The following TPO variants were observed in gnomAD, a reference collection of about 807,000 sequenced individuals.
TPO encodes thyroid peroxidase.
TPO carries 78 observed loss-of-function variants against 96.9 expected under a neutral mutation model. The observed-to-expected ratio is 0.81, with a 90% confidence interval of 0.67 to 0.97. The LOEUF (loss-of-function observed/expected upper bound fraction) is 0.97, where lower values mean the gene tolerates loss of function less well. Among genes scored for constraint, TPO ranks in the 50% least tolerant of loss-of-function variants. The probability of loss-of-function intolerance (pLI) is 0.00; values close to 1 mark genes in which losing one functional copy is unlikely to be tolerated. For synonymous variants in TPO, 547 were observed against 538.0 expected, an observed-to-expected ratio of 1.02 and a Z score of -0.23; for missense variants, 1,252 against 1,274.8, an observed-to-expected ratio of 0.98 and a Z score of 0.27.
chr2:1,479,253 G>A (rs1321432729), intron 8 of TPO, among the ~76,000 whole-genome samples: 2 of 152,268 alleles, frequency 1.3e-5, no homozygotes, highest in East Asian at 1.9e-4. Context: ...TGAGGCCTTC[G>A]GCGCTCCTGT....
rs146682830 is a variant in TPO at position 1,398,015 on chromosome 2, G to T, written n.180+23613G>T. On this transcript the variant is annotated intron_variant and non_coding_transcript_variant, in intron 1 of 5. Transcript: ENST00000497517. Reference sequence around the variant, plus strand: ...AAGGGTACAAGAAAAGTAGCGTTCCGCACATTTTCAGGCATGCAACTTCAT... The same window carrying T: ...AAGGGTACAAGAAAAGTAGCGTTCCTCACATTTTCAGGCATGCAACTTCAT... Among the ~76,000 whole-genome samples, 8 of 152,284 alleles carry T rather than the reference G, an allele frequency of 5.3e-5. No homozygotes were observed. In the South Asian group the frequency reaches 1.5e-3, roughly 28 times the overall value.
At chr2:1,461,604 CCACAGGCATGCA>C (rs774037020) in intron 7 of TPO, among the ~76,000 whole-genome samples, 2 of 152,168 alleles carry the variant, frequency 1.3e-5, no homozygotes, top group African/African-American at 2.4e-5. Flanking sequence ...ATAAATATAC[CCACAGGCATGCA>C]CACACTCACA....
At chr2:1,500,174 A>G (rs1420680636) in intron 13 of TPO, among the ~76,000 whole-genome samples, 1 of 152,204 alleles carries the variant, frequency 6.6e-6, no homozygotes, top group East Asian at 1.9e-4. Flanking sequence ...CATCACTTTG[A>G]TGAGTGTCCT....
intron 8 of TPO, chr2:1,478,047 A>G (rs184944595): frequency 3.5e-4 from 345 of 985,442 alleles, no homozygotes; most frequent in Non-Finnish European, 3.9e-4. Context: ...AGGTGGGTGG[A>G]CCAGGGGTGC....
chr2:1,448,948 A>G (rs947245574), intron 5 of TPO, among the ~76,000 whole-genome samples: 1 of 152,100 alleles, frequency 6.6e-6, no homozygotes, highest in Non-Finnish European at 1.5e-5. Context: ...TCCCGGATGC[A>G]CAGAGAACGA....
intron 4 of TPO, among the ~76,000 whole-genome samples, chr2:1,434,869 T>C (rs553544802): frequency 6.6e-6 from 1 of 152,354 alleles, no homozygotes; most frequent in East Asian, 1.9e-4. Context: ...GGTCAGTGCC[T>C]GTCCTTCTAG....
chr2:1,424,984 CGG>C (rs1664184200), intron 3 of TPO, among the ~76,000 whole-genome samples: 142 of 61,986 alleles, frequency 2.3e-3, no homozygotes, highest in Non-Finnish European at 3.5e-3. Context: ...TTCTAGATGC[CGG>C]GATACAGAGA....
chr2:1,388,528 C>A (rs1454914827), intron 1 of TPO, among the ~76,000 whole-genome samples: 1 of 152,212 alleles, frequency 6.6e-6, no homozygotes, highest in Non-Finnish European at 1.5e-5. Context: ...GGTATAATCT[C>A]CTGGTGTGCC....
intron 7 of TPO, among the ~76,000 whole-genome samples, chr2:1,471,305 A>G (rs1003456390): frequency 4.0e-5 from 6 of 151,808 alleles, no homozygotes; most frequent in Non-Finnish European, 8.8e-5. Context: ...CCTGTTCTTT[A>G]TTTTCTATTA....
chr2:1,531,114 A>C (rs1573602915), intron 15 of TPO, among the ~76,000 whole-genome samples: 3 of 24,024 alleles, frequency 1.2e-4, no homozygotes, highest in East Asian at 1.5e-3. Flanking sequence ...AAATCCCCCC[A>C]CTGTGTGCAA....
intron 15 of TPO, among the ~76,000 whole-genome samples, chr2:1,539,352 T>C (rs1481482381): frequency 6.6e-6 from 1 of 152,180 alleles, no homozygotes; most frequent in East Asian, 1.9e-4. Flanking sequence ...AAAACTGAGA[T>C]GCGGAGAGGT....
At chr2:1,439,370 T>A (rs1226222858) in intron 5 of TPO, 1 of 152,752 alleles carries the variant, frequency 6.5e-6, no homozygotes, top group Non-Finnish European at 1.5e-5. Flanking sequence ...TCACACATTG[T>A]ATTCCACCAA....
intron 13 of TPO, among the ~76,000 whole-genome samples, chr2:1,500,342 T>C (rs1295087438): frequency 6.6e-6 from 1 of 152,184 alleles, no homozygotes; most frequent in Admixed American, 6.5e-5. Context: ...AAATATATCT[T>C]AGAGATAAAT....
At chr2:1,489,339 G>T (rs1441175697) in intron 10 of TPO, among the ~76,000 whole-genome samples, 2 of 152,090 alleles carry the variant, frequency 1.3e-5, no homozygotes, top group Non-Finnish European at 2.9e-5. Flanking sequence ...CTTGCCTCTG[G>T]CTGGGACCCC....
Position 1,456,115 on chromosome 2 carries a change from G to A in TPO, c.652G>A (p.Glu218Lys). ...AAGACATGTCATTCAAGTTTCAAATGAGGTTGTCACAGATGATGACCGCTA... is the reference window on the plus strand; with the variant it reads ...AAGACATGTCATTCAAGTTTCAAATAAGGTTGTCACAGATGATGACCGCTA... Reference protein sequence around the residue: ...VTRHVIQVSNEVVTDDDRYSD... With the variant: ...VTRHVIQVSNKVVTDDDRYSD... The change falls in exon 7 of 17, where the codon GAG (glutamate) becomes AAG (lysine). Residue 218 changes from glutamate to lysine, a missense_variant. Transcript: ENST00000329066. 4 of 1,614,048 alleles carry A rather than the reference G, an allele frequency of 2.5e-6. No homozygotes were observed. Among genetic ancestry groups the A allele is most frequent in the Non-Finnish European group, 3.4e-6 (4 of 1,180,046 alleles).
At chr2:1,443,182 G>C (rs1217118596) in intron 5 of TPO, among the ~76,000 whole-genome samples, 1 of 152,222 alleles carries the variant, frequency 6.6e-6, no homozygotes, top group Non-Finnish European at 1.5e-5. Context: ...GCTCCTTCTT[G>C]TTGTATGGTG....
intron 5 of TPO, among the ~76,000 whole-genome samples, chr2:1,446,712 G>A (rs1402241973): frequency 1.3e-5 from 2 of 152,186 alleles, no homozygotes; most frequent in South Asian, 2.1e-4. Flanking sequence ...TTTTACAAAT[G>A]TCTTCTCCCA....
intron 13 of TPO, among the ~76,000 whole-genome samples, chr2:1,503,302 G>A (rs536484293): frequency 6.6e-6 from 1 of 152,326 alleles, no homozygotes. Context: ...GACAGCACCT[G>A]CTCCATTTAG....
At chr2:1,385,779 T>C (rs1331479840) in intron 1 of TPO, among the ~76,000 whole-genome samples, 2 of 152,162 alleles carry the variant, frequency 1.3e-5, no homozygotes, top group Non-Finnish European at 2.9e-5. Context: ...TTGCTCTTGC[T>C]TCTCTAGTTC....
Sources: gnomAD v4.1 joint callset for allele counts (sites outside exome capture counted in the v4.1 genomes callset) on GRCh38, gnomAD v4.1.1 for gene constraint, MANE v1.5 for transcripts, NCBI Gene and HGNC (gene_info 2026-07-23, HGNC 2026-07-21) for gene names.